DAB1: variants seen among roughly 807,000 people sequenced by gnomAD.
DAB1 encodes the protein disabled homolog 1.
DAB1 carries 15 observed loss-of-function variants against 64.6 expected under a neutral mutation model. The ratio of observed to expected loss-of-function variants is 0.23; its 90% CI spans 0.16 to 0.36. The LOEUF (loss-of-function observed/expected upper bound fraction) is 0.36. Among genes scored for constraint, DAB1 ranks in the 10% least tolerant of loss-of-function variants. The probability of loss-of-function intolerance (pLI) is 1.00; values close to 1 mark genes in which losing one functional copy is unlikely to be tolerated. For synonymous variants in DAB1, 235 were observed against 251.9 expected (o/e 0.93, Z 0.64); for missense variants, 596 against 706.7 (o/e 0.84, Z 1.78).
At chr1:57,286,160 T>C (rs115912014) in intron 2 of DAB1, among the ~76,000 whole-genome samples, 2,246 of 152,370 alleles carry the variant, frequency 0.015, 59 homozygotes, top group African/African-American at 0.05. Flanking sequence ...TGATGAAATA[T>C]GCCCCTATGT....
intron 2 of DAB1, among the ~76,000 whole-genome samples, chr1:57,217,487 G>C (rs1388920276): frequency 6.6e-6 from 1 of 151,954 alleles, no homozygotes; most frequent in Non-Finnish European, 1.5e-5. Flanking sequence ...ACTAGAGGAA[G>C]CCAAAAAAGA....
chr1:58,059,536 T>C (rs1191992244), intron 5 of DAB1, among the ~76,000 whole-genome samples: 4 of 152,232 alleles, frequency 2.6e-5, no homozygotes, highest in Admixed American at 2.6e-4. Flanking sequence ...GTTATCTCTT[T>C]TTATTTATGC....
intron 6 of DAB1, among the ~76,000 whole-genome samples, chr1:57,739,645 G>T (rs550050262): frequency 2.7e-5 from 4 of 150,820 alleles, no homozygotes; most frequent in Non-Finnish European, 5.9e-5. Flanking sequence ...TAGAGACAGG[G>T]TTTCGCCATG....
intron 2 of DAB1, among the ~76,000 whole-genome samples, chr1:57,158,941 C>A (rs890330271): frequency 1.3e-5 from 2 of 152,148 alleles, no homozygotes; most frequent in African/African-American, 4.8e-5. Context: ...TCAATTTTCA[C>A]GTTTCTGTAG....
chr1:57,439,433 T>TTTTTTTTTTTTTTTGTTTTTTTTTG (rs1685841365), intron 7 of DAB1, among the ~76,000 whole-genome samples: 1 of 131,926 alleles, frequency 7.6e-6, no homozygotes, highest in Non-Finnish European at 1.6e-5. Flanking sequence ...TTCTTTTTTT[T>TTTTTTTTTTTTTTTGTTTTTTTTTG]TTTTTTTTTT....
intron 4 of DAB1, among the ~76,000 whole-genome samples, chr1:58,225,932 C>T (rs1659452427): frequency 7.0e-6 from 1 of 143,424 alleles, no homozygotes; most frequent in Non-Finnish European, 1.5e-5. Flanking sequence ...GCACGTTGTG[C>T]ACATGTACCC....
At chr1:58,425,033 A>G (rs1557756232) in intron 3 of DAB1, among the ~76,000 whole-genome samples, 1 of 152,330 alleles carries the variant, frequency 6.6e-6, no homozygotes, top group South Asian at 2.1e-4. Flanking sequence ...GTCATTTTAT[A>G]TCCCAGAATC....
chr1:58,400,020 A>C (rs777360022), intron 3 of DAB1, among the ~76,000 whole-genome samples: 14 of 152,202 alleles, frequency 9.2e-5, no homozygotes, highest in Middle Eastern at 3.4e-3. Flanking sequence ...TAAATAAATA[A>C]ATTGAATTTC....
intron 4 of DAB1, among the ~76,000 whole-genome samples, chr1:58,307,418 G>T (rs77970353): frequency 0.036 from 5,460 of 152,192 alleles, 345 homozygotes; most frequent in African/African-American, 0.12. Flanking sequence ...CCAATAAAAG[G>T]GATAACTGAG....
chr1:57,494,923 G>A (rs1034167808), intron 7 of DAB1, among the ~76,000 whole-genome samples: 1 of 152,070 alleles, frequency 6.6e-6, no homozygotes, highest in African/African-American at 2.4e-5. Context: ...TCATCCTTTG[G>A]TGACCAGGAA....
intron 2 of DAB1, among the ~76,000 whole-genome samples, chr1:57,162,572 A>T (rs1422750086): frequency 6.6e-6 from 1 of 152,228 alleles, no homozygotes; most frequent in Non-Finnish European, 1.5e-5. Flanking sequence ...TTGGCCACAA[A>T]CTTTCTTCTG....
chr1:58,244,340 AC>A (rs1322564551), intron 4 of DAB1, among the ~76,000 whole-genome samples: 1 of 152,172 alleles, frequency 6.6e-6, no homozygotes, highest in Non-Finnish European at 1.5e-5. Flanking sequence ...ATCTTATATA[AC>A]CAAGTAGTAA....
chr1:57,456,360 A>G (rs2101166800), intron 7 of DAB1, among the ~76,000 whole-genome samples: 1 of 152,310 alleles, frequency 6.6e-6, no homozygotes, highest in South Asian at 2.1e-4. Context: ...AGAGACTAAC[A>G]CTGGCACAGA....
chr1:58,015,800 T>C (rs1646730219), intron 5 of DAB1, among the ~76,000 whole-genome samples: 1 of 152,216 alleles, frequency 6.6e-6, no homozygotes, highest in Non-Finnish European at 1.5e-5. Flanking sequence ...TAAGCCAATC[T>C]GTTAATCCTA....
chr1:57,957,305 A>G (rs140084939), intron 5 of DAB1, among the ~76,000 whole-genome samples: 1 of 152,216 alleles, frequency 6.6e-6, no homozygotes, highest in African/African-American at 2.4e-5. Context: ...ATAAGTGGAT[A>G]TCAGGTGTGA....
chr1:57,947,417 T>C (rs1645200475), intron 5 of DAB1, among the ~76,000 whole-genome samples: 1 of 152,086 alleles, frequency 6.6e-6, no homozygotes, highest in Non-Finnish European at 1.5e-5. Flanking sequence ...TTAGCGCTAT[T>C]GACATTTTTA....
At chr1:58,097,300 C>T (rs148138064) in intron 5 of DAB1, among the ~76,000 whole-genome samples, 185 of 152,288 alleles carry the variant, frequency 1.2e-3, no homozygotes, top group African/African-American at 4.0e-3. Flanking sequence ...ATTCACACCC[C>T]GGCCATCTGC....
intron 5 of DAB1, among the ~76,000 whole-genome samples, chr1:58,025,651 G>GTT (rs1264790564): frequency 1.3e-5 from 1 of 75,292 alleles, no homozygotes; most frequent in Non-Finnish European, 3.1e-5. Context: ...ATATATGTGT[G>GTT]TATATATATA....
intron 2 of DAB1, among the ~76,000 whole-genome samples, chr1:57,191,240 A>C (rs1171484081): frequency 6.6e-6 from 1 of 152,170 alleles, no homozygotes; most frequent in East Asian, 1.9e-4. Flanking sequence ...TCTTCAAGTT[A>C]TTATCCTCCT....
Sources: gnomAD v4.1 joint callset for allele counts (sites outside exome capture counted in the v4.1 genomes callset) on GRCh38, gnomAD v4.1.1 for gene constraint, MANE v1.5 for transcripts, NCBI Gene and HGNC (gene_info 2026-07-23, HGNC 2026-07-21) for gene names.